Variants in AGAP1 observed in about 807,000 individuals in gnomAD.
The protein encoded by AGAP1 is arf-GAP with GTPase, ANK repeat and PH domain-containing protein 1.
Under a neutral mutation model 105.3 loss-of-function variants are expected in AGAP1, and 29 were observed. The observed-to-expected ratio is 0.28, with a 90% CI of 0.21 to 0.38. The LOEUF is 0.38. Ranked by LOEUF, AGAP1 falls within the 10% of genes least tolerant of loss-of-function variation. The pLI, the probability that AGAP1 is intolerant of heterozygous loss-of-function variation, is 1.00. For synonymous variants in AGAP1, 509 were observed against 485.9 expected (o/e 1.05, Z -0.63); for missense variants, 998 against 1,165.1 (o/e 0.86, Z 2.09).
chr2:235,765,900 C>G (rs1414832629), intron 6 of AGAP1, among the ~76,000 whole-genome samples: 2 of 152,186 alleles, frequency 1.3e-5, no homozygotes, highest in African/African-American at 2.4e-5. Flanking sequence ...ACATTTCTGG[C>G]CTGACCTCTA....
rs760478833 is a variant in AGAP1, at chr2:236,042,218, C to G, written c.1891+1377C>G. Reference sequence around the variant, plus strand: ...GGAGGCCAGCCAGGGTCGGCTTGGCCGGGAAGGGAGACAGGAGCCCAGGAC... The same window carrying G: ...GGAGGCCAGCCAGGGTCGGCTTGGCGGGGAAGGGAGACAGGAGCCCAGGAC... On this transcript the variant is annotated intron_variant, in intron 15 of 17. Transcript: ENST00000304032. This position sits in a 1 kb window ranked among gnomAD's most constrained non-coding sequence, Gnocchi z 5.6. Among the ~76,000 whole-genome samples the G allele has an allele frequency of 6.6e-6, 1 of 151,902 alleles. No individual in the cohort carries two copies. The highest frequency in any genetic ancestry group is 1.5e-5 in the Non-Finnish European group (1 of 67,996).
At chr2:235,637,911 G>A (rs115355590) in intron 1 of AGAP1, among the ~76,000 whole-genome samples, 3,955 of 152,212 alleles carry the variant, frequency 0.026, 95 homozygotes, top group African/African-American at 0.059. Context: ...CAGAGAGAGT[G>A]AGTTTGCCCT....
intron 1 of AGAP1, among the ~76,000 whole-genome samples, chr2:235,545,865 C>T (rs1033910693): frequency 6.6e-6 from 1 of 152,210 alleles, no homozygotes; most frequent in Non-Finnish European, 1.5e-5. Context: ...TCTGGTGAAG[C>T]ACCAGGCATC....
intron 1 of AGAP1, among the ~76,000 whole-genome samples, chr2:235,658,638 G>A (rs1947849535): frequency 6.6e-6 from 1 of 152,172 alleles, no homozygotes; most frequent in African/African-American, 2.4e-5. Context: ...ACAGGGCTGG[G>A]CTTCCCTGGA....
Position 235,720,190 on chromosome 2 carries a change from AT to A in AGAP1, c.310+2548del, listed in dbSNP as rs1951310170. On this transcript the variant is annotated intron_variant, in intron 3 of 17. Coordinates refer to ENST00000304032, the MANE Select transcript of AGAP1 (RefSeq NM_001037131.3). This position sits in a 1 kb window ranked among gnomAD's most constrained non-coding sequence, Gnocchi z 5.0. The stretch of plus-strand genomic sequence containing the variant: ...CATACCACGGTCTTGCCATCCTGAA[AT>A]TCCCTCTCATGCTCAGGGAGCCTGT... Among the ~76,000 whole-genome samples the A allele has an allele frequency of 6.6e-6, 1 of 152,206 alleles. No homozygotes were observed. Among genetic ancestry groups the A allele is most frequent in the Non-Finnish European group, 1.5e-5 (1 of 68,032 alleles).
chr2:236,063,385 A>G (rs947577542), intron 16 of AGAP1, among the ~76,000 whole-genome samples: 1 of 152,166 alleles, frequency 6.6e-6, no homozygotes, highest in African/African-American at 2.4e-5. Context: ...GCCACCAGGA[A>G]TGGTGGCTCT....
At position 235,959,224 on chromosome 2, in the gene AGAP1, G is replaced by A. The variant is rs958625648; in HGVS notation, c.1484-9238G>A. ...TGATACAAAATAAAATGCATTCTTT[G>A]TATGCAGCCAGGAGGAGCGGATGGC... is the stretch of plus-strand genomic sequence containing the variant. On this transcript the variant is annotated intron_variant, in intron 12 of 17. Coordinates refer to ENST00000304032, the MANE Select transcript of AGAP1 (RefSeq NM_001037131.3). This position sits in a 1 kb window ranked among gnomAD's most constrained non-coding sequence, Gnocchi z 7.3. 1.3e-5 allele frequency among the ~76,000 whole-genome samples: 2 copies of A among 152,222 alleles called. No homozygotes were observed. Among genetic ancestry groups the A allele is most frequent in the Non-Finnish European group, 2.9e-5 (2 of 68,050 alleles).
At chr2:235,829,431 C>G (rs1205040738) in intron 9 of AGAP1, among the ~76,000 whole-genome samples, 2 of 152,214 alleles carry the variant, frequency 1.3e-5, no homozygotes, top group Non-Finnish European at 2.9e-5. Flanking sequence ...CAGGTTCTAA[C>G]TTTCCTAAGA....
chr2:235,530,923 C>A (rs559999659), intron 1 of AGAP1, among the ~76,000 whole-genome samples: 5 of 152,150 alleles, frequency 3.3e-5, no homozygotes, highest in Non-Finnish European at 7.3e-5. Context: ...CTGTGGGAGA[C>A]CCTGCACACC....
chr2:235,952,983 T>C (rs1402361148), intron 12 of AGAP1, among the ~76,000 whole-genome samples: 1 of 152,208 alleles, frequency 6.6e-6, no homozygotes, highest in African/African-American at 2.4e-5. Flanking sequence ...GAGCCAGGTG[T>C]GGCGGAAGGA....
In AGAP1 at chr2:235,601,242, A is replaced by G. The variant is rs546655204; in HGVS notation, c.163+106393A>G. Among the ~76,000 whole-genome samples, 5 of 152,286 alleles carry G rather than the reference A, an allele frequency of 3.3e-5. No homozygotes were observed. The highest frequency in any genetic ancestry group is 2.1e-4 in the South Asian group (1 of 4,828). On this transcript the variant is annotated intron_variant, in intron 1 of 17. Transcript: ENST00000304032. This position sits in a 1 kb window ranked among gnomAD's most constrained non-coding sequence, Gnocchi z 4.4. ...GGGCCCCTCTTTCTGGCTTGCAGAT[A>G]GTTCCTCCTTACTGTGTCCTCTCTG...
intron 16 of AGAP1, among the ~76,000 whole-genome samples, chr2:236,066,824 A>C (rs1280659572): frequency 1.3e-5 from 2 of 152,126 alleles, no homozygotes; most frequent in African/African-American, 4.8e-5. Context: ...CCCTGTTCAG[A>C]AGCAGCCATG....
chr2:235,969,929 C>T (rs1192105820), intron 13 of AGAP1, among the ~76,000 whole-genome samples: 2 of 152,202 alleles, frequency 1.3e-5, no homozygotes, highest in African/African-American at 4.8e-5. Flanking sequence ...TCGTCGGGCA[C>T]GGTGGCTCAC....
intron 2 of AGAP1, among the ~76,000 whole-genome samples, chr2:235,711,189 G>T (rs1575197753): frequency 1.3e-5 from 2 of 152,246 alleles, no homozygotes; most frequent in South Asian, 4.1e-4. Context: ...AACGTGGCCA[G>T]TCAGTGCCAT....
In AGAP1 at chr2:236,128,121, C is replaced by T. The variant is rs2060031819; in HGVS notation, c.*3999C>T. The T allele has an allele frequency of 6.6e-6, 1 of 152,052 alleles. No homozygotes were observed. Among genetic ancestry groups the T allele is most frequent in the Non-Finnish European group, 1.5e-5 (1 of 68,086 alleles). 9.4% of individuals were successfully genotyped at this position (152,052 alleles called of 1,614,324 possible). A position where few individuals can be genotyped will look rare whatever the true frequency, so the allele number is the denominator to read the frequency against. On this transcript the variant is annotated 3_prime_UTR_variant, in exon 18 of 18. Coordinates refer to ENST00000304032, the MANE Select transcript of AGAP1 (RefSeq NM_001037131.3). The surrounding 1 kb of genome is among the most constrained non-coding windows in gnomAD (Gnocchi z 5.9). ...CCAGGACCCTCCTCTCTCAGCTTGCCAGTGCCCTGCCCTCCACATGGCGGG... is the reference window on the plus strand; with the variant it reads ...CCAGGACCCTCCTCTCTCAGCTTGCTAGTGCCCTGCCCTCCACATGGCGGG...
At chr2:235,499,280 G>T (rs1366678053) in intron 1 of AGAP1, among the ~76,000 whole-genome samples, 1 of 152,206 alleles carries the variant, frequency 6.6e-6, no homozygotes, top group Admixed American at 6.5e-5. Flanking sequence ...AGGCCCCAAA[G>T]AACCTAAAGT....
Position 235,807,117 on chromosome 2 carries a change from C to T in AGAP1, c.958-122C>T, listed in dbSNP as rs1957876064. 1.4e-5 allele frequency: 13 copies of T among 905,978 alleles called. No homozygotes were observed. The Admixed American group carries it at 1.5e-4, about 10-fold the overall frequency. 56.1% of individuals were successfully genotyped at this position (905,978 alleles called of 1,614,324 possible). A position where few individuals can be genotyped will look rare whatever the true frequency, so the allele number is the denominator to read the frequency against. ...TGTCTGCTCGTCGGACGTGTCTGTG[C>T]GCACACATAGATCGCGCATGTTTTC... is the stretch of plus-strand genomic sequence containing the variant. On this transcript the variant is annotated intron_variant, in intron 8 of 17. Transcript: ENST00000304032.
intron 9 of AGAP1, among the ~76,000 whole-genome samples, chr2:235,838,736 G>T (rs1254972251): frequency 6.6e-6 from 1 of 152,182 alleles, no homozygotes; most frequent in African/African-American, 2.4e-5. Context: ...ACCCCGAAGG[G>T]ATCATTTGCT....
intron 1 of AGAP1, among the ~76,000 whole-genome samples, chr2:235,547,390 G>A (rs1269148343): frequency 2.2e-5 from 3 of 134,726 alleles, no homozygotes; most frequent in East Asian, 2.1e-4. Flanking sequence ...ATGGAGTCTC[G>A]CTCTGTCACC....
Sources: allele counts gnomAD v4.1 joint callset (sites outside exome capture counted in the v4.1 genomes callset), GRCh38; gene constraint gnomAD v4.1.1; non-coding constraint Gnocchi (gnomAD v3.1); transcripts MANE v1.5; gene names NCBI Gene and HGNC (gene_info 2026-07-23, HGNC 2026-07-21).